Variants in FBXL17 observed in about 807,000 individuals in gnomAD.
FBXL17 encodes the protein F-box and leucine rich repeat protein 17.
Under a neutral mutation model 66.2 loss-of-function variants are expected in FBXL17, and 22 were observed. The ratio of observed to expected loss-of-function variants is 0.33; its 90% CI spans 0.24 to 0.47. FBXL17 has a LOEUF of 0.47. Ranked by LOEUF, FBXL17 falls within the 20% of genes least tolerant of loss-of-function variation. FBXL17 has a pLI of 1.00. For synonymous variants in FBXL17, 474 were observed against 400.5 expected (o/e 1.18, Z -2.19); for missense variants, 878 against 948.2 (o/e 0.93, Z 0.97).
intron 7 of FBXL17, among the ~76,000 whole-genome samples, chr5:107,929,057 A>G (rs1750636094): frequency 6.6e-6 from 1 of 152,190 alleles, no homozygotes. Context: ...TAGAGGGGAA[A>G]TAACACAAGG....
chr5:108,117,976 T>G (rs1750329518), intron 6 of FBXL17, among the ~76,000 whole-genome samples: 1 of 152,064 alleles, frequency 6.6e-6, no homozygotes. Context: ...CCGTAAGGAA[T>G]GAAAAAGCAG....
chr5:107,878,685 A>T, intron 8 of FBXL17: 1 of 985,472 alleles, frequency 1.0e-6, no homozygotes, highest in Non-Finnish European at 1.2e-6. Context: ...TGAAAACTGA[A>T]TAGCTACTTT....
intron 4 of FBXL17, among the ~76,000 whole-genome samples, chr5:108,288,180 G>T (rs1262689873): frequency 3.3e-5 from 5 of 151,650 alleles, no homozygotes; most frequent in African/African-American, 1.2e-4. Flanking sequence ...TCATTACTTG[G>T]GTGGCAAAAT....
At chr5:108,169,558 T>C (rs1407267628) in intron 6 of FBXL17, among the ~76,000 whole-genome samples, 2 of 152,302 alleles carry the variant, frequency 1.3e-5, no homozygotes, top group Middle Eastern at 6.8e-3. Flanking sequence ...TATCCCCCTG[T>C]ATTTAGTTTT....
intron 4 of FBXL17, among the ~76,000 whole-genome samples, chr5:108,241,057 A>T (rs1185352194): frequency 6.6e-6 from 1 of 152,198 alleles, no homozygotes; most frequent in Non-Finnish European, 1.5e-5. Flanking sequence ...AACTGCAAAG[A>T]CTATAACAAA....
chr5:107,890,312 A>G (rs1749154495), intron 7 of FBXL17, among the ~76,000 whole-genome samples: 1 of 151,898 alleles, frequency 6.6e-6, no homozygotes, highest in African/African-American at 2.4e-5. Context: ...TGAGTTTTTC[A>G]GACCACTGTA....
intron 7 of FBXL17, chr5:108,020,701 C>A: frequency 2.5e-6 from 1 of 396,424 alleles, no homozygotes; most frequent in Non-Finnish European, 4.6e-6. Context: ...TACATGTGTG[C>A]ATGTGTGTGT....
chr5:107,882,539 C>G (rs1370885949), intron 7 of FBXL17, among the ~76,000 whole-genome samples: 1 of 152,038 alleles, frequency 6.6e-6, no homozygotes, highest in Non-Finnish European at 1.5e-5. Context: ...ATGTTTTCAT[C>G]TTTGTGCATG....
chr5:107,941,595 A>C (rs1268099264), intron 7 of FBXL17, among the ~76,000 whole-genome samples: 1 of 152,168 alleles, frequency 6.6e-6, no homozygotes, highest in East Asian at 1.9e-4. Context: ...GGGAACGTTA[A>C]ATAGGTTTAG....
intron 8 of FBXL17, 97 bp from the exon 9 acceptor site, chr5:107,861,957 C>A: frequency 1.5e-6 from 2 of 1,292,634 alleles, no homozygotes; most frequent in Non-Finnish European, 1.0e-6. Context: ...CACTGTGACA[C>A]GAAGAGCCCT....
intron 8 of FBXL17, among the ~76,000 whole-genome samples, chr5:107,866,106 C>G (rs1190966002): frequency 1.3e-5 from 2 of 151,708 alleles, no homozygotes; most frequent in African/African-American, 4.8e-5. Flanking sequence ...TTTTAATTTC[C>G]CCATGATCCC....
At chr5:107,980,662 A>ATTTTTTTTTTTTTTTTTTTTTT (rs1428679219) in intron 7 of FBXL17, among the ~76,000 whole-genome samples, 9 of 65,804 alleles carry the variant, frequency 1.4e-4, no homozygotes, top group African/African-American at 9.3e-4. Context: ...ATATATATAT[A>ATTTTTTTTTTTTTTTTTTTTTT]TATTTTTTTT....
At chr5:108,241,958 C>G (rs945921314) in intron 4 of FBXL17, among the ~76,000 whole-genome samples, 1 of 151,966 alleles carries the variant, frequency 6.6e-6, no homozygotes, top group African/African-American at 2.4e-5. Context: ...AAAGACTTTC[C>G]CAGACCGACA....
At chr5:107,974,673 T>A (rs1378480988) in intron 7 of FBXL17, among the ~76,000 whole-genome samples, 1 of 152,124 alleles carries the variant, frequency 6.6e-6, no homozygotes, top group East Asian at 1.9e-4. Context: ...GATTATTTTC[T>A]ATTTTTTTTT....
chr5:108,137,860 A>C (rs996471893), intron 6 of FBXL17, among the ~76,000 whole-genome samples: 1 of 152,220 alleles, frequency 6.6e-6, no homozygotes, highest in Non-Finnish European at 1.5e-5. Context: ...GAACTGGATG[A>C]GTTGCTAAGA....
At chr5:108,232,792 T>TTATATATATATATATATATATATTA (rs752698839) in intron 4 of FBXL17, among the ~76,000 whole-genome samples, 3 of 109,536 alleles carry the variant, frequency 2.7e-5, no homozygotes, top group Non-Finnish European at 4.1e-5. Context: ...CATATATATA[T>TTATATATATATATATATATATATTA]ATATATATAT....
chr5:108,255,386 AT>A (rs1263254397), intron 4 of FBXL17, among the ~76,000 whole-genome samples: 1 of 152,102 alleles, frequency 6.6e-6, no homozygotes, highest in Non-Finnish European at 1.5e-5. Flanking sequence ...AACTGACATG[AT>A]TTTTTATGTT....
intron 6 of FBXL17, among the ~76,000 whole-genome samples, chr5:108,043,542 C>A (rs939088880): frequency 6.6e-6 from 1 of 152,146 alleles, no homozygotes; most frequent in African/African-American, 2.4e-5. Context: ...AGCATATTTA[C>A]GTGAGTCCTT....
chr5:108,221,429 AAGAAATTGCAGATCTGAAGAC>A (rs1357449838), intron 5 of FBXL17, among the ~76,000 whole-genome samples: 1 of 152,206 alleles, frequency 6.6e-6, no homozygotes, highest in Admixed American at 6.5e-5. Context: ...TTCAGGGTGC[AAGAAATTGCAGATCTGAAGAC>A]AGATCATCTA....
Sources: allele counts gnomAD v4.1 joint callset (sites outside exome capture counted in the v4.1 genomes callset), GRCh38; gene constraint gnomAD v4.1.1; transcripts MANE v1.5; gene names NCBI Gene and HGNC (gene_info 2026-07-23, HGNC 2026-07-21).